The following CHKB variants were observed in gnomAD, a reference collection of about 807,000 sequenced individuals.
The protein encoded by CHKB is choline kinase beta.
A neutral mutation model predicts 57.3 loss-of-function variants in CHKB; 45 were observed. That is an observed-to-expected ratio of 0.79 (90% CI 0.62 to 1.01). CHKB has a LOEUF of 1.01. Among genes scored for constraint, CHKB ranks in the 50% least tolerant of loss-of-function variants. The pLI is 0.00. For synonymous variants in CHKB, 224 were observed against 201.8 expected, an observed-to-expected ratio of 1.11 and a Z score of -0.93; for missense variants, 517 against 502.8, an observed-to-expected ratio of 1.03 and a Z score of -0.27.
chr22:50,579,151 A>C lies in CHKB; in HGVS notation c.*30T>G, dbSNP rs1569051451. 6.2e-7 allele frequency: 1 copy of C among 1,604,576 alleles called. No homozygotes were observed. The highest frequency in any genetic ancestry group is 2.2e-5 in the East Asian group (1 of 44,652). ...TCCAAGGTCCTGCCCTGGAGGCTCC[A>C]GGAGAAATCCAAGGAGTGGGAGGGT... is the stretch of plus-strand genomic sequence containing the variant. On this transcript the variant is annotated 3_prime_UTR_variant, in exon 11 of 11. Transcript: ENST00000406938.
chr22:50,581,920 G>T, intron 2 of CHKB, 58 bp from the exon 3 acceptor site: 2 of 1,453,150 alleles, frequency 1.4e-6, no homozygotes, highest in East Asian at 2.3e-5. Flanking sequence ...ACACACATGA[G>T]GGCTCGCCTT....
chr22:50,581,948 G>T, intron 2 of CHKB, 86 bp from the exon 3 acceptor site: 1 of 1,195,472 alleles, frequency 8.4e-7, no homozygotes, highest in South Asian at 1.2e-5. Flanking sequence ...CCAGAGCTGC[G>T]ACTTCTGATC....
At position 50,582,792 on chromosome 22, in the gene CHKB, C is replaced by A; in HGVS notation, c.-11G>T. The A allele has an allele frequency of 1.3e-6, 2 of 1,554,350 alleles. No individual in the cohort carries two copies. Among genetic ancestry groups the A allele is most frequent in the South Asian group, 2.3e-5 (2 of 85,440 alleles). ...CGCCTCGGCCGCCATGGCGCGGGCT[C>A]GACCGGGCCCCAGGCCAGGCTGCGC... is the stretch of plus-strand genomic sequence containing the variant. On this transcript the variant is annotated 5_prime_UTR_variant, in exon 1 of 11. Transcript: ENST00000406938.
chr22:50,580,302 C>T lies in CHKB; in HGVS notation c.737-31G>A, dbSNP rs751732782. On this transcript the variant is annotated intron_variant, in intron 6 of 10. Transcript: ENST00000406938. ...GGAATGGGGTGAGGTTCTGCTCACT[C>T]CAGAGCCCTCTGGCTCTTCCATCTT... 4.3e-6 allele frequency: 7 copies of T among 1,613,616 alleles called. No individual in the cohort carries two copies. The East Asian group carries it at 1.6e-4, about 36-fold the overall frequency.
intron 2 of CHKB, 74 bp from the exon 3 acceptor site, chr22:50,581,936 C>T: frequency 7.6e-7 from 1 of 1,315,072 alleles, no homozygotes; most frequent in Non-Finnish European, 1.1e-6. Context: ...GCCTTCCTCC[C>T]ACCAGAGCTG....
Position 50,580,030 on chromosome 22 carries a change from C to T in CHKB, c.871G>A (p.Glu291Lys), listed in dbSNP as rs374544105. 50 of 1,613,936 alleles carry T rather than the reference C, an allele frequency of 3.1e-5. No homozygotes were observed. The highest frequency in any genetic ancestry group is 2.1e-4 in the African/African-American group (16 of 74,906). ...CTTGCTTTGTAGAAAGGCCATTCCT[C>T]GTGAGTATAATCATAAACCCACTCA... ...FCEWVYDYTHEEWPFYKARPT... is the reference protein window; with the variant it reads ...FCEWVYDYTHKEWPFYKARPT... The change falls in exon 8 of 11, where the codon GAG (glutamate) becomes AAG (lysine). Residue 291 changes from glutamate to lysine, a missense_variant. By Grantham distance (56) the Glu-to-Lys change is moderately conservative. Coordinates refer to ENST00000406938, the MANE Select transcript of CHKB (RefSeq NM_005198.5).
At chr22:50,579,939 G>A (rs766099951) in intron 8 of CHKB, 35 bp downstream of exon 8, 1 of 1,605,744 alleles carries the variant, frequency 6.2e-7, no homozygotes, top group South Asian at 1.1e-5. Flanking sequence ...TTCCTCACAG[G>A]ATGGGTCCTG....
intron 5 of CHKB, 23 bp from the exon 6 acceptor site, chr22:50,580,439 G>T (rs1316239874): frequency 6.2e-7 from 1 of 1,613,712 alleles, no homozygotes; most frequent in African/African-American, 1.3e-5. Flanking sequence ...GGGAGCATGG[G>T]TCCTGAGCAG....
rs777130600 is a variant in CHKB, at chr22:50,579,710, T to G, written c.1031+17A>C. 6.9e-7 allele frequency: 1 copy of G among 1,457,838 alleles called. No individual in the cohort carries two copies. Among genetic ancestry groups the G allele is most frequent in the East Asian group, 2.3e-5 (1 of 43,704 alleles). 90.3% of individuals were successfully genotyped at this position (1,457,838 alleles called of 1,614,324 possible). A position where few individuals can be genotyped will look rare whatever the true frequency, so the allele number is the denominator to read the frequency against. On this transcript the variant is annotated intron_variant, in intron 9 of 10. Coordinates refer to ENST00000406938, the MANE Select transcript of CHKB (RefSeq NM_005198.5). Reference sequence around the variant, plus strand: ...TCCTCTGCTCTGCCCTACCCCACCCTGCCCCTCCTTCCTCACCGACTGACT... The same window carrying G: ...TCCTCTGCTCTGCCCTACCCCACCCGGCCCCTCCTTCCTCACCGACTGACT...
rs2070698205 is a variant in CHKB at position 50,581,865 on chromosome 22, G to A, written c.334-3C>T. On this transcript the variant is annotated splice_polypyrimidine_tract_variant and splice_region_variant and intron_variant, in intron 2 of 10. Transcript: ENST00000406938. ...TCTAGCACCAGGGAGTCCACGCCCTGAAAAAGGATGGACAGCAAAGGGGCC... is the reference window on the plus strand; with the variant it reads ...TCTAGCACCAGGGAGTCCACGCCCTAAAAAAGGATGGACAGCAAAGGGGCC... 1 of 1,613,522 alleles carries A rather than the reference G, an allele frequency of 6.2e-7. No homozygotes were observed. The highest frequency in any genetic ancestry group is 8.5e-7 in the Non-Finnish European group (1 of 1,179,790).
Position 50,581,500 on chromosome 22 carries a change from A to C in CHKB, c.501T>G (p.Ile167Met), listed in dbSNP as rs199704510. ...ELREPVLSAAIATKMAQFHGM... is the reference protein window; with the variant it reads ...ELREPVLSAAMATKMAQFHGM... ...CATGAAATTGCGCCATCTTCGTGGCAATGGCTGCTGACAACACTGGCTCTC... is the reference window on the plus strand; with the variant it reads ...CATGAAATTGCGCCATCTTCGTGGCCATGGCTGCTGACAACACTGGCTCTC... The change falls in exon 4 of 11, where the codon ATT (isoleucine) becomes ATG (methionine). Residue 167 changes from isoleucine to methionine, a missense_variant. Ile to Met is a conservative substitution (Grantham distance 10, BLOSUM62 1). Coordinates refer to ENST00000406938, the MANE Select transcript of CHKB (RefSeq NM_005198.5). 144 of 1,614,008 alleles carry C rather than the reference A, an allele frequency of 8.9e-5. No homozygotes were observed. In the East Asian group the frequency reaches 2.6e-3, roughly 29 times the overall value.
chr22:50,580,504 C>T, intron 5 of CHKB, 61 bp downstream of exon 5: 1 of 1,610,588 alleles, frequency 6.2e-7, no homozygotes, highest in East Asian at 2.2e-5. Context: ...TGACACCAGC[C>T]CTCAGCAACT....
intron 3 of CHKB, 61 bp downstream of exon 3, chr22:50,581,688 C>G (rs1443883482): frequency 4.4e-6 from 7 of 1,580,830 alleles, no homozygotes; most frequent in Middle Eastern, 1.7e-4. Context: ...ACATTGGGCA[C>G]TGGGGTAGGG....
intron 1 of CHKB, 37 bp from the exon 2 acceptor site, chr22:50,582,394 G>A (rs1477742629): frequency 1.1e-5 from 16 of 1,514,866 alleles, no homozygotes; most frequent in Non-Finnish European, 1.3e-5. Context: ...GCCCGCGGCC[G>A]GCCCTACCTG....
chr22:50,579,323 G>A, intron 10 of CHKB, 68 bp from the exon 11 acceptor site: 1 of 1,590,616 alleles, frequency 6.3e-7, no homozygotes, highest in Non-Finnish European at 8.6e-7. Flanking sequence ...ATCCACCTCA[G>A]GCTGCCCACA....
At chr22:50,581,056 C>T (rs1173726854) in intron 4 of CHKB, among the ~76,000 whole-genome samples, 2 of 152,172 alleles carry the variant, frequency 1.3e-5, no homozygotes, top group Non-Finnish European at 2.9e-5. Flanking sequence ...GCTAGGATTA[C>T]AGGCATGAGC....
chr22:50,579,869 G>A (rs765150933), intron 8 of CHKB, 39 bp from the exon 9 acceptor site: 14 of 1,598,134 alleles, frequency 8.8e-6, no homozygotes, highest in Non-Finnish European at 1.2e-5. Flanking sequence ...TGGGGAGACT[G>A]TGGAGTATTT....
At position 50,579,782 on chromosome 22, in the gene CHKB, G is replaced by C. The variant is rs763028166; in HGVS notation, c.976C>G (p.Leu326Val). The C allele has an allele frequency of 3.1e-6, 5 of 1,614,036 alleles. No individual in the cohort carries two copies. Among genetic ancestry groups the C allele is most frequent in the Non-Finnish European group, 2.5e-6 (3 of 1,180,036 alleles). Residue 326 changes from leucine (L) to valine (V), a missense_variant, in exon 9 of 11, where the codon CTC (leucine) becomes GTC (valine). Coordinates refer to ENST00000406938, the MANE Select transcript of CHKB (RefSeq NM_005198.5). ...YLAEAKKGET[L>V]SQEEQRKLEE... ...AGTTTTCTCTGCTCCTCTTGGGAGA[G>C]GGTCTCACCTTTCTTTGCCTCTGCC...
chr22:50,582,565 G>T lies in CHKB; in HGVS notation c.217C>A (p.Pro73Thr), dbSNP rs864309593. 6.2e-7 allele frequency: 1 copy of T among 1,608,824 alleles called. No homozygotes were observed. The highest frequency in any genetic ancestry group is 8.5e-7 in the Non-Finnish European group (1 of 1,178,354). Residue 73 changes from proline (P) to threonine (T), a missense_variant, in exon 1 of 11, where the codon CCC becomes ACC. Coordinates refer to ENST00000406938, the MANE Select transcript of CHKB (RefSeq NM_005198.5). Reference protein sequence around the residue: ...RVQPEELRVYPVSGGLSNLLF... With the variant: ...RVQPEELRVYTVSGGLSNLLF... ...TGACCCCTGACCTCCCACCTCACGG[G>T]GTAAACCCTCAGCTCCTCGGGCTGC...
Sources: allele counts gnomAD v4.1 joint callset (sites outside exome capture counted in the v4.1 genomes callset), GRCh38; gene constraint gnomAD v4.1.1; transcripts MANE v1.5; gene names NCBI Gene and HGNC (gene_info 2026-07-23, HGNC 2026-07-21).